Variants in SKAP2 observed in about 807,000 individuals in gnomAD.
The protein encoded by SKAP2 is src kinase associated phosphoprotein 2.
In SKAP2, 28 loss-of-function variants were observed where a neutral mutation model predicts 54.9. That is an observed-to-expected ratio of 0.51 (90% CI 0.38 to 0.70). SKAP2 has a LOEUF of 0.70. SKAP2 is among the 30% of genes least tolerant of loss of function. The pLI is 0.00. For synonymous variants in SKAP2, 137 were observed against 134.3 expected, an observed-to-expected ratio of 1.02 and a Z score of -0.14; for missense variants, 356 against 424.1, an observed-to-expected ratio of 0.84 and a Z score of 1.41.
rs1222910473 is a variant in SKAP2 at position 26,758,153 on chromosome 7, A to T, written c.308-18189T>A. Among the ~76,000 whole-genome samples, 16 of 152,184 alleles carry T rather than the reference A, an allele frequency of 1.1e-4. 1 individual carries two copies. Among genetic ancestry groups the T allele is most frequent in the Admixed American group, 3.3e-4 (5 of 15,258 alleles). ...CTTAAAACTCAGGAAAAAAGTCTGG[A>T]AGGGCACATAGAACTGTTAGCAGTT... On this transcript the variant is annotated intron_variant, in intron 4 of 12. Transcript: ENST00000345317.
At chr7:26,863,859 G>T (rs1011908408) in intron 1 of SKAP2, among the ~76,000 whole-genome samples, 2 of 151,956 alleles carry the variant, frequency 1.3e-5, no homozygotes, top group African/African-American at 4.8e-5. Flanking sequence ...TTTTAGAAAT[G>T]ACAAACTCTT....
intron 4 of SKAP2, among the ~76,000 whole-genome samples, chr7:26,783,372 GT>G (rs1783467170): frequency 6.6e-6 from 1 of 151,886 alleles, no homozygotes; most frequent in South Asian, 2.1e-4. Context: ...GGAGAAAAAT[GT>G]GACTCCCCTA....
intron 4 of SKAP2, among the ~76,000 whole-genome samples, chr7:26,819,984 T>C (rs964746586): frequency 6.6e-6 from 1 of 152,006 alleles, no homozygotes; most frequent in Admixed American, 6.6e-5. Flanking sequence ...TTTGAAATTA[T>C]TCATAAAAGT....
rs572064463 is a variant in SKAP2 at position 26,856,748 on chromosome 7, A to C, written c.68-1858T>G. On this transcript the variant is annotated intron_variant, in intron 1 of 12. Coordinates refer to ENST00000345317, the MANE Select transcript of SKAP2 (RefSeq NM_003930.5). Reference sequence around the variant, plus strand: ...TCTTCCAACCAGACTCAATAGGAAGAATCACTGGCCCAATGACTGGGGAAT... The same window carrying C: ...TCTTCCAACCAGACTCAATAGGAAGCATCACTGGCCCAATGACTGGGGAAT... Among the ~76,000 whole-genome samples the C allele has an allele frequency of 2.0e-4, 30 of 152,324 alleles. No individual in the cohort carries two copies. In the South Asian group the frequency reaches 6.2e-3, roughly 32 times the overall value.
chr7:26,798,909 T>C (rs1381970445), intron 4 of SKAP2, among the ~76,000 whole-genome samples: 2 of 151,104 alleles, frequency 1.3e-5, no homozygotes, highest in Non-Finnish European at 2.9e-5. Context: ...CCAAAAAACA[T>C]ACAACGGACA....
chr7:26,752,148 G>A (rs747310373), intron 4 of SKAP2, among the ~76,000 whole-genome samples: 2 of 151,952 alleles, frequency 1.3e-5, no homozygotes, highest in Non-Finnish European at 2.9e-5. Flanking sequence ...GTGAGGAGTG[G>A]GCCAAAAATT....
chr7:26,777,393 T>G (rs541430185), intron 4 of SKAP2, among the ~76,000 whole-genome samples: 4 of 152,182 alleles, frequency 2.6e-5, no homozygotes, highest in Non-Finnish European at 4.4e-5. Context: ...AAATAAGATT[T>G]GCTTTTGATA....
intron 4 of SKAP2, among the ~76,000 whole-genome samples, chr7:26,751,465 T>C (rs1782679957): frequency 6.6e-6 from 1 of 152,214 alleles, no homozygotes; most frequent in Non-Finnish European, 1.5e-5. Context: ...ACATTCTTAA[T>C]GCTTTAGTCT....
chr7:26,754,961 G>A (rs1385317488), intron 4 of SKAP2, among the ~76,000 whole-genome samples: 1 of 152,134 alleles, frequency 6.6e-6, no homozygotes, highest in Non-Finnish European at 1.5e-5. Context: ...ATGAATAAAT[G>A]GCATAACACA....
chr7:26,809,268 G>T (rs1236899039), intron 4 of SKAP2, among the ~76,000 whole-genome samples: 2 of 152,102 alleles, frequency 1.3e-5, no homozygotes, highest in South Asian at 2.1e-4. Context: ...ACAAAAATTG[G>T]CCGGGTGTGG....
At chr7:26,840,607 C>T (rs1261068263) in intron 4 of SKAP2, among the ~76,000 whole-genome samples, 3 of 151,994 alleles carry the variant, frequency 2.0e-5, no homozygotes, top group African/African-American at 7.2e-5. Flanking sequence ...CTGACATGCA[C>T]CATTTATACT....
intron 4 of SKAP2, among the ~76,000 whole-genome samples, chr7:26,817,464 T>C (rs1186606529): frequency 6.6e-6 from 1 of 152,102 alleles, no homozygotes; most frequent in East Asian, 1.9e-4. Flanking sequence ...GTTATTATTA[T>C]ATAAAATCCA....
Position 26,854,971 on chromosome 7 carries a change from T to C in SKAP2, c.68-81A>G, listed in dbSNP as rs1008968920. ...GAAGATAAATAGGACAATGATTGTT[T>C]CTACATATAAGTGTTAATACCTGTA... On this transcript the variant is annotated intron_variant, in intron 1 of 12. Transcript: ENST00000345317. 4 of 979,412 alleles carry C rather than the reference T, an allele frequency of 4.1e-6. No individual in the cohort carries two copies. In the African/African-American group the frequency reaches 4.9e-5, roughly 12 times the overall value. 60.7% of individuals were successfully genotyped at this position (979,412 alleles called of 1,614,324 possible).
Position 26,857,196 on chromosome 7 carries a change from A to AT in SKAP2, c.68-2307dup, listed in dbSNP as rs530235838. Among the ~76,000 whole-genome samples the AT allele has an allele frequency of 2.3e-3, 293 of 129,690 alleles. 1 individual carries two copies. The highest frequency in any genetic ancestry group is 8.1e-3 in the African/African-American group (281 of 34,662). 85.1% of individuals were successfully genotyped at this position (129,690 alleles called of 152,430 possible). A position where few individuals can be genotyped will look rare whatever the true frequency, so the allele number is the denominator to read the frequency against. ...TAGAGTAGCCTTTTTTAATATACTT[A>AT]TTCCTAAGCTTTTCCCAGAAAAGGT... On this transcript the variant is annotated intron_variant, in intron 1 of 12. Coordinates refer to ENST00000345317, the MANE Select transcript of SKAP2 (RefSeq NM_003930.5).
chr7:26,709,697 C>T (rs1426283511), intron 9 of SKAP2, among the ~76,000 whole-genome samples: 1 of 152,156 alleles, frequency 6.6e-6, no homozygotes, highest in Non-Finnish European at 1.5e-5. Flanking sequence ...AAAATCCTAA[C>T]TATGATCCTG....
intron 12 of SKAP2, 92 bp downstream of exon 12, chr7:26,669,999 C>A: frequency 1.9e-6 from 1 of 531,572 alleles, no homozygotes; most frequent in South Asian, 3.6e-5. Context: ...TATCAGAAAA[C>A]TCTAAAGACT....
chr7:26,788,109 G>A (rs887731098), intron 4 of SKAP2, among the ~76,000 whole-genome samples: 2 of 152,072 alleles, frequency 1.3e-5, no homozygotes, highest in African/African-American at 2.4e-5. Flanking sequence ...GGAATGTGTG[G>A]ACAAATAAGA....
chr7:26,737,835 A>G (rs1409963989), intron 6 of SKAP2, among the ~76,000 whole-genome samples: 1 of 152,220 alleles, frequency 6.6e-6, no homozygotes, highest in Non-Finnish European at 1.5e-5. Context: ...TGTGAACTAC[A>G]ACTGAGAGAT....
intron 10 of SKAP2, among the ~76,000 whole-genome samples, chr7:26,687,397 C>T (rs780498997): frequency 6.6e-6 from 1 of 151,894 alleles, no homozygotes; most frequent in Admixed American, 6.6e-5. Context: ...CAAAGACCAA[C>T]CTCATTTTTG....
Sources: gnomAD v4.1 joint callset for allele counts (sites outside exome capture counted in the v4.1 genomes callset) on GRCh38, gnomAD v4.1.1 for gene constraint, MANE v1.5 for transcripts, NCBI Gene and HGNC (gene_info 2026-07-23, HGNC 2026-07-21) for gene names.